Variants in COX17 observed in about 807,000 individuals in gnomAD.
COX17 encodes cytochrome c oxidase copper chaperone.
COX17 carries 1 observed loss-of-function variant against 6.3 expected under a neutral mutation model. That is an observed-to-expected ratio of 0.16 (90% CI 0.06 to 0.75). The LOEUF (loss-of-function observed/expected upper bound fraction) is 0.75. Ranked by LOEUF, COX17 falls within the 30% of genes least tolerant of loss-of-function variation. The pLI is 0.77. For synonymous variants in COX17, 26 were observed against 30.5 expected (o/e 0.85, Z 0.49); for missense variants, 73 against 81.2 (o/e 0.90, Z 0.39).
chr3:119,671,517 C>T (rs1379454761), intron 2 of COX17, among the ~76,000 whole-genome samples: 1 of 152,188 alleles, frequency 6.6e-6, no homozygotes, highest in Non-Finnish European at 1.5e-5. Context: ...ATCTAACAGT[C>T]TAAGAAATAC....
intron 2 of COX17, among the ~76,000 whole-genome samples, chr3:119,672,224 C>A (rs1486117368): frequency 6.6e-6 from 1 of 152,166 alleles, no homozygotes; most frequent in Admixed American, 6.5e-5. Flanking sequence ...TAAGGACCTG[C>A]CCAAGACCAC....
At chr3:119,667,159 T>C (rs2053000286), downstream of COX17, among the ~76,000 whole-genome samples, 2 of 152,146 alleles carry the variant, frequency 1.3e-5, no homozygotes, top group African/African-American at 4.8e-5. Flanking sequence ...TGTGAATATA[T>C]CCGTATTGAG....
At chr3:119,676,901 C>T in intron 1 of COX17, 1 of 702,812 alleles carries the variant, frequency 1.4e-6, no homozygotes, top group Middle Eastern at 2.3e-4. Context: ...TTGCCGTTCT[C>T]CTCTCTCTCC....
In COX17 at chr3:119,669,551, C is replaced by T. The variant is rs959427638; in HGVS notation, c.*119G>A. On this transcript the variant is annotated 3_prime_UTR_variant, in exon 3 of 3. Coordinates refer to ENST00000261070, the MANE Select transcript of COX17 (RefSeq NM_005694.2). ...AAGATCTTCCACTAGTAATATTTTACTTTCTTCTTACAATAAATTATAAAT... is the reference window on the plus strand; with the variant it reads ...AAGATCTTCCACTAGTAATATTTTATTTTCTTCTTACAATAAATTATAAAT... 21 of 152,144 alleles carry T rather than the reference C, an allele frequency of 1.4e-4. No homozygotes were observed. The highest frequency in any genetic ancestry group is 4.8e-4 in the African/African-American group (20 of 41,448). 9.4% of individuals were successfully genotyped at this position (152,144 alleles called of 1,614,324 possible). A position where few individuals can be genotyped will look rare whatever the true frequency, so the allele number is the denominator to read the frequency against.
chr3:119,672,501 C>T (rs1439134383), intron 2 of COX17, among the ~76,000 whole-genome samples: 1 of 152,104 alleles, frequency 6.6e-6, no homozygotes, highest in Non-Finnish European at 1.5e-5. Context: ...AAGTTCAGCA[C>T]AAGCCTACAG....
At chr3:119,675,972 T>C (rs943092532) in intron 1 of COX17, among the ~76,000 whole-genome samples, 1 of 152,242 alleles carries the variant, frequency 6.6e-6, no homozygotes, top group Non-Finnish European at 1.5e-5. Context: ...AAGAGCTGCC[T>C]GCAAATGGGA....
chr3:119,667,042 G>T (rs866955216), downstream of COX17: 1 of 152,168 alleles, frequency 6.6e-6, no homozygotes, highest in Non-Finnish European at 1.5e-5. Context: ...ACCTATGAAA[G>T]ACATAGTATT....
At chr3:119,667,130 G>A (rs930357337), downstream of COX17, 18 of 152,196 alleles carry the variant, frequency 1.2e-4, no homozygotes, top group South Asian at 6.2e-4. Flanking sequence ...TTAGACAAAC[G>A]GGGGACTAGA....
At chr3:119,677,053 T>C (rs902953556) in intron 1 of COX17, 151 bp downstream of exon 1, 20 of 339,382 alleles carry the variant, frequency 5.9e-5, no homozygotes, top group African/African-American at 1.3e-4. Flanking sequence ...GGAGGAGGAG[T>C]GGGGGAAGGG....
intron 2 of COX17, among the ~76,000 whole-genome samples, chr3:119,672,509 C>T (rs931531043): frequency 6.6e-5 from 10 of 152,124 alleles, no homozygotes; most frequent in African/African-American, 2.2e-4. Flanking sequence ...CACAAGCCTA[C>T]AGCTTACACA....
chr3:119,676,958 C>T (rs2107836697), intron 1 of COX17: 1 of 699,978 alleles, frequency 1.4e-6, no homozygotes, highest in South Asian at 1.5e-5. Context: ...AGAGACCCGA[C>T]CACGAAACCT....
downstream of COX17, among the ~76,000 whole-genome samples, chr3:119,666,054 ATCCATTTACC>A (rs939317591): frequency 3.9e-5 from 6 of 152,328 alleles, no homozygotes; most frequent in Admixed American, 3.3e-4. Context: ...TCTATTCAAT[ATCCATTTACC>A]TCTTCCTCAA....
Position 119,677,349 on chromosome 3 carries a change from A to G in COX17, c.-39T>C. On this transcript the variant is annotated 5_prime_UTR_variant, in exon 1 of 3. Transcript: ENST00000261070. Reference sequence around the variant, plus strand: ...AGCAGCTATGAGCGGAGACAGCCAAATCTATGCCAGCCTCGGCAAACGCCG... The same window carrying G: ...AGCAGCTATGAGCGGAGACAGCCAAGTCTATGCCAGCCTCGGCAAACGCCG... 2 of 1,552,830 alleles carry G rather than the reference A, an allele frequency of 1.3e-6. No homozygotes were observed. Among genetic ancestry groups the G allele is most frequent in the Non-Finnish European group, 8.8e-7 (1 of 1,132,056 alleles).
chr3:119,674,919 G>A (rs1378861528), intron 2 of COX17: 35 of 472,084 alleles, frequency 7.4e-5, no homozygotes, highest in South Asian at 7.4e-4. Context: ...AAAGGCTTTT[G>A]TCAAACCCTT....
At chr3:119,667,704 CACACACACACACACACACACACACAG>C (rs1347966410), downstream of COX17, among the ~76,000 whole-genome samples, 1 of 105,268 alleles carries the variant, frequency 9.5e-6, no homozygotes, top group Non-Finnish European at 2.3e-5. Flanking sequence ...CACACACACA[CACACACACACACACACACACACACAG>C]AGAGAGAGAG....
rs904841658 is a variant in COX17 at position 119,675,330 on chromosome 3, T to C, written c.108-97A>G. 9.8e-6 allele frequency: 8 copies of C among 814,400 alleles called. No homozygotes were observed. The East Asian group carries it at 1.5e-4, about 15-fold the overall frequency. The allele number at this position is 814,400 out of a possible 1,614,324, so 50.4% of individuals were successfully genotyped here. On this transcript the variant is annotated intron_variant, in intron 1 of 2. Coordinates refer to ENST00000261070, the MANE Select transcript of COX17 (RefSeq NM_005694.2). ...GGAGTGAGACAAAACACGGGTATAA[T>C]GGAATGTAGCTGGAATTAAAACAAA...
At chr3:119,664,985 G>A (rs999542833), downstream of COX17, among the ~76,000 whole-genome samples, 5 of 152,202 alleles carry the variant, frequency 3.3e-5, no homozygotes, top group Non-Finnish European at 7.3e-5. Flanking sequence ...AACTTAAGCA[G>A]ACACTATTGG....
intron 2 of COX17, among the ~76,000 whole-genome samples, chr3:119,673,766 T>C (rs2053068960): frequency 6.6e-6 from 1 of 152,264 alleles, no homozygotes; most frequent in Admixed American, 6.5e-5. Flanking sequence ...GTATCATTTG[T>C]TTGTGGAATT....
intron 2 of COX17, among the ~76,000 whole-genome samples, chr3:119,671,932 T>C (rs1395688000): frequency 6.6e-6 from 1 of 152,158 alleles, no homozygotes; most frequent in African/African-American, 2.4e-5. Context: ...TCCCAAAATA[T>C]TATTACACTG....
Sources: gnomAD v4.1 joint callset for allele counts (sites outside exome capture counted in the v4.1 genomes callset) on GRCh38, gnomAD v4.1.1 for gene constraint, MANE v1.5 for transcripts, NCBI Gene and HGNC (gene_info 2026-07-23, HGNC 2026-07-21) for gene names.